The following WDFY4 variants were observed in gnomAD, a reference collection of about 807,000 sequenced individuals.
WDFY4 encodes WD repeat- and FYVE domain-containing protein 4.
WDFY4 carries 169 observed loss-of-function variants against 351.9 expected under a neutral mutation model. The observed-to-expected ratio is 0.48, with a 90% CI of 0.42 to 0.55. The LOEUF (loss-of-function observed/expected upper bound fraction) is 0.55. Ranked by LOEUF, WDFY4 falls within the 20% of genes least tolerant of loss-of-function variation. The pLI is 0.00. For missense variants in WDFY4, 3,803 were observed against 3,935.6 expected (o/e 0.97, Z 0.90); for synonymous variants, 1,622 against 1,574.6 (o/e 1.03, Z -0.71).
intron 39 of WDFY4, among the ~76,000 whole-genome samples, chr10:48,847,357 G>A (rs1244286364): frequency 6.6e-6 from 1 of 152,146 alleles, no homozygotes; most frequent in Non-Finnish European, 1.5e-5. Flanking sequence ...GAGGTACTAG[G>A]GGTTAGGGCT....
intron 1 of WDFY4, among the ~76,000 whole-genome samples, chr10:48,708,340 G>C (rs12768309): frequency 0.3 from 46,356 of 152,030 alleles, 7,540 homozygotes; most frequent in Middle Eastern, 0.36. Context: ...TTCAAGGAAT[G>C]TGTGTTTGGG....
chr10:48,745,072 C>G (rs956631458), intron 12 of WDFY4, among the ~76,000 whole-genome samples: 5 of 152,264 alleles, frequency 3.3e-5, no homozygotes, highest in Non-Finnish European at 5.9e-5. Context: ...TTTTTCTTAA[C>G]TTGGATGTCT....
At chr10:48,910,354 C>A (rs1837887629) in intron 47 of WDFY4, 1 of 1,083,026 alleles carries the variant, frequency 9.2e-7, no homozygotes, top group Non-Finnish European at 1.4e-6. Flanking sequence ...CAAGGTCATG[C>A]CTGACCTTCA....
At chr10:48,768,649 G>A (rs1271358710) in intron 13 of WDFY4, among the ~76,000 whole-genome samples, 2 of 151,890 alleles carry the variant, frequency 1.3e-5, no homozygotes, top group Non-Finnish European at 2.9e-5. Flanking sequence ...AGGCAGAGAT[G>A]GGCACTAGGG....
At chr10:48,702,615 C>T (rs1168570298) in intron 1 of WDFY4, among the ~76,000 whole-genome samples, 1 of 152,010 alleles carries the variant, frequency 6.6e-6, no homozygotes, top group Non-Finnish European at 1.5e-5. Flanking sequence ...GGATGATGGA[C>T]CTGAGTTCAT....
chr10:48,853,212 G>A (rs539442837), intron 39 of WDFY4, among the ~76,000 whole-genome samples: 5 of 152,132 alleles, frequency 3.3e-5, no homozygotes, highest in African/African-American at 1.2e-4. Flanking sequence ...TATCTCTCAG[G>A]AGTCTCTGTC....
intron 15 of WDFY4, 138 bp from the exon 16 acceptor site, chr10:48,776,612 C>T (rs1434322032): frequency 9.4e-6 from 8 of 850,494 alleles, no homozygotes; most frequent in South Asian, 5.6e-5. Context: ...GAGCCACCCT[C>T]GCTGGTGCTT....
chr10:48,826,180 C>T (rs80038545), intron 35 of WDFY4, among the ~76,000 whole-genome samples: 1 of 152,286 alleles, frequency 6.6e-6, no homozygotes, highest in East Asian at 1.9e-4. Context: ...GTACGTCTAG[C>T]CAGTTCTCCC....
intron 46 of WDFY4, 32 bp from the exon 47 acceptor site, chr10:48,901,769 C>A: frequency 1.3e-6 from 2 of 1,549,400 alleles, no homozygotes; most frequent in African/African-American, 1.4e-5. Flanking sequence ...CTTGACTCTG[C>A]TGATGGAATT....
chr10:48,822,771 C>T (rs552114131), intron 35 of WDFY4, among the ~76,000 whole-genome samples: 1 of 152,204 alleles, frequency 6.6e-6, no homozygotes, highest in Non-Finnish European at 1.5e-5. Flanking sequence ...GCCTCAGCTC[C>T]CTGCACTTGC....
intron 45 of WDFY4, among the ~76,000 whole-genome samples, chr10:48,898,414 A>T (rs905074190): frequency 1.3e-5 from 2 of 152,142 alleles, no homozygotes; most frequent in East Asian, 3.8e-4. Flanking sequence ...ACCACGTAAC[A>T]GGAGGGTCAG....
At position 48,897,568 on chromosome 10, in the gene WDFY4, C is replaced by T. The variant is rs996228141; in HGVS notation, c.7431C>T (p.Leu2477=). 15 of 1,546,702 alleles carry T rather than the reference C, an allele frequency of 9.7e-6. No individual in the cohort carries two copies. The African/African-American group carries it at 1.9e-4, about 20-fold the overall frequency. The stretch of plus-strand genomic sequence containing the variant: ...GGGAGCTACGGCAGGCTCGCTTCCT[C>T]CTGCAGGTAAGCACACTGGGTGCTG... The part of the protein sequence containing the change: ...DMRELRQARF[L]LQDIALEIFF... Residue 2477 remains leucine, a synonymous_variant, in exon 45 of 62, where the codon CTC becomes CTT. Transcript: ENST00000325239.
At chr10:48,917,121 G>A (rs1411106217) in intron 47 of WDFY4, among the ~76,000 whole-genome samples, 1 of 152,162 alleles carries the variant, frequency 6.6e-6, no homozygotes, top group East Asian at 1.9e-4. Context: ...AGATCATGTA[G>A]TCTACCTAGG....
intron 12 of WDFY4, chr10:48,745,881 C>A: frequency 3.6e-6 from 1 of 279,368 alleles, no homozygotes; most frequent in Non-Finnish European, 6.9e-6. Context: ...GACCGCGGGC[C>A]CTGCACTGTC....
rs370860570 is a variant in WDFY4 at position 48,860,410 on chromosome 10, A to T, written c.6664-6855A>T. ...CTGGTGAAGGCTCCCCTCCTGGCTTACTGAAGGCTGCCTTCTTGCTGTATC... is the reference window on the plus strand; with the variant it reads ...CTGGTGAAGGCTCCCCTCCTGGCTTTCTGAAGGCTGCCTTCTTGCTGTATC... On this transcript the variant is annotated intron_variant, in intron 39 of 61. Transcript: ENST00000325239. Among the ~76,000 whole-genome samples, 12 of 152,274 alleles carry T rather than the reference A, an allele frequency of 7.9e-5. No individual in the cohort carries two copies. In the East Asian group the frequency reaches 1.5e-3, roughly 20 times the overall value.
At chr10:48,763,698 G>A (rs1234949307) in intron 13 of WDFY4, among the ~76,000 whole-genome samples, 1 of 152,190 alleles carries the variant, frequency 6.6e-6, no homozygotes, top group Admixed American at 6.5e-5. Context: ...TCCATTTGGA[G>A]CGAGTTACTT....
chr10:48,690,715 A>G (rs1042441122), intron 1 of WDFY4, among the ~76,000 whole-genome samples: 3 of 152,132 alleles, frequency 2.0e-5, no homozygotes, highest in Non-Finnish European at 4.4e-5. Flanking sequence ...TAATCTTCCC[A>G]GCTCTCAGCA....
chr10:48,943,271 A>G (rs752907240), intron 48 of WDFY4, 59 bp from the exon 49 acceptor site: 23 of 1,538,322 alleles, frequency 1.5e-5, no homozygotes, highest in Non-Finnish European at 1.9e-5. Flanking sequence ...GGTGGGACCC[A>G]TGGCTTTGCA....
intron 33 of WDFY4, 71 bp downstream of exon 33, chr10:48,820,508 G>A: frequency 1.3e-6 from 2 of 1,492,448 alleles, no homozygotes; most frequent in Non-Finnish European, 1.8e-6. Flanking sequence ...GCAAGGGCAG[G>A]ATGCACCCAG....
Sources: allele counts gnomAD v4.1 joint callset (sites outside exome capture counted in the v4.1 genomes callset), GRCh38; gene constraint gnomAD v4.1.1; transcripts MANE v1.5; gene names NCBI Gene and HGNC (gene_info 2026-07-23, HGNC 2026-07-21).